Variants in SDCCAG8 observed in about 807,000 individuals in gnomAD.
The protein encoded by SDCCAG8 is serologically defined colon cancer antigen 8.
Under a neutral mutation model 101.8 loss-of-function variants are expected in SDCCAG8, and 74 were observed. The observed-to-expected ratio is 0.73, with a 90% confidence interval of 0.60 to 0.88. The LOEUF is 0.88. Among genes scored for constraint, SDCCAG8 ranks in the 40% least tolerant of loss-of-function variants. The probability of loss-of-function intolerance (pLI) is 0.00; values close to 1 mark genes in which losing one functional copy is unlikely to be tolerated. For missense variants in SDCCAG8, 787 were observed against 822.6 expected (o/e 0.96, Z 0.53); for synonymous variants, 281 against 292.9 (o/e 0.96, Z 0.41).
At chr1:243,275,336 C>T (rs1055536390) in intron 4 of SDCCAG8, among the ~76,000 whole-genome samples, 5 of 149,454 alleles carry the variant, frequency 3.3e-5, no homozygotes, top group South Asian at 2.1e-4. Flanking sequence ...TCAGTGTATT[C>T]GATTGTATGA....
At chr1:243,399,546 G>A (rs894199487) in intron 13 of SDCCAG8, among the ~76,000 whole-genome samples, 4 of 151,406 alleles carry the variant, frequency 2.6e-5, no homozygotes, top group Non-Finnish European at 5.9e-5. Context: ...TCACTCTGTC[G>A]CCCAGGCTAG....
At chr1:243,261,574 G>T (rs1276301877) in intron 1 of SDCCAG8, among the ~76,000 whole-genome samples, 2 of 152,210 alleles carry the variant, frequency 1.3e-5, no homozygotes, top group African/African-American at 4.8e-5. Flanking sequence ...GAAGGGCTGT[G>T]TTAGTCTTAC....
intron 13 of SDCCAG8, among the ~76,000 whole-genome samples, chr1:243,393,824 A>G (rs1336706441): frequency 6.6e-6 from 1 of 152,238 alleles, no homozygotes; most frequent in Non-Finnish European, 1.5e-5. Flanking sequence ...AAAAGCAACC[A>G]TGTGATACAG....
intron 16 of SDCCAG8, among the ~76,000 whole-genome samples, chr1:243,454,977 T>TA (rs1396560483): frequency 1.3e-5 from 2 of 152,214 alleles, no homozygotes; most frequent in African/African-American, 4.8e-5. Context: ...CACCATGACG[T>TA]AATTTTCTAA....
Position 243,442,048 on chromosome 1 carries a change from C to T in SDCCAG8, c.1985+15490C>T, listed in dbSNP as rs182554763. Among the ~76,000 whole-genome samples, 55 of 152,100 alleles carry T rather than the reference C, an allele frequency of 3.6e-4. No individual in the cohort carries two copies. In the East Asian group the frequency reaches 4.8e-3, roughly 13 times the overall value. On this transcript the variant is annotated intron_variant, in intron 16 of 17. Coordinates refer to ENST00000366541, the MANE Select transcript of SDCCAG8 (RefSeq NM_006642.5). ...GATGGAAACTATTATAATAAAACTT[C>T]GTATTTTTACAAAATACCTCAAATT...
At chr1:243,259,237 T>TAA (rs559992892) in intron 1 of SDCCAG8, among the ~76,000 whole-genome samples, 2 of 141,576 alleles carry the variant, frequency 1.4e-5, no homozygotes, top group African/African-American at 5.2e-5. Context: ...CCGTCTGTAC[T>TAA]AAAAAAAAAA....
chr1:243,482,609 C>T (rs1663967519), intron 16 of SDCCAG8, among the ~76,000 whole-genome samples: 2 of 152,156 alleles, frequency 1.3e-5, no homozygotes, highest in African/African-American at 4.8e-5. Context: ...GAGATTAGGA[C>T]GGCCGCACCA....
chr1:243,463,902 A>T (rs1659626503), intron 16 of SDCCAG8, among the ~76,000 whole-genome samples: 1 of 152,010 alleles, frequency 6.6e-6, no homozygotes, highest in Non-Finnish European at 1.5e-5. Context: ...TACCCATCCA[A>T]GGGATGGATG....
At position 243,259,677 on chromosome 1, in the gene SDCCAG8, G is replaced by A. The variant is rs573501791; in HGVS notation, c.67+3437G>A. 7.2e-5 allele frequency among the ~76,000 whole-genome samples: 11 copies of A among 152,138 alleles called. No individual in the cohort carries two copies. In the East Asian group the frequency reaches 1.8e-3, roughly 24 times the overall value. ...TCTACTAAAAATACAAAATGAGCCA[G>A]GCGTGGTGGCAGGCGCGTGTAACCC... On this transcript the variant is annotated intron_variant, in intron 1 of 17. Transcript: ENST00000366541.
chr1:243,316,915 TAA>T (rs759174810), intron 9 of SDCCAG8, 22 bp downstream of exon 9: 1 of 1,610,796 alleles, frequency 6.2e-7, no homozygotes, highest in Non-Finnish European at 8.5e-7. Context: ...AAGATGCAAA[TAA>T]AAGTGTCTTT....
At chr1:243,358,996 T>A (rs1182975568) in intron 12 of SDCCAG8, among the ~76,000 whole-genome samples, 1 of 152,212 alleles carries the variant, frequency 6.6e-6, no homozygotes, top group East Asian at 1.9e-4. Flanking sequence ...ATGGAGTTTC[T>A]TTTGGGGTGA....
chr1:243,281,861 G>T (rs1484119916), intron 4 of SDCCAG8, among the ~76,000 whole-genome samples: 1 of 151,978 alleles, frequency 6.6e-6, no homozygotes, highest in Non-Finnish European at 1.5e-5. Context: ...GCCCAGGCTG[G>T]TGGCGAACTC....
In SDCCAG8 at chr1:243,415,578, A is replaced by C; in HGVS notation, c.1617-124A>C. On this transcript the variant is annotated intron_variant, in intron 13 of 17. Coordinates refer to ENST00000366541, the MANE Select transcript of SDCCAG8 (RefSeq NM_006642.5). ...CTAAAGTGGGGGAGGGTCATTAGAAAGGTCCTTGTCTTCTTATGCTTAACA... is the reference window on the plus strand; with the variant it reads ...CTAAAGTGGGGGAGGGTCATTAGAACGGTCCTTGTCTTCTTATGCTTAACA... 5 of 1,345,086 alleles carry C rather than the reference A, an allele frequency of 3.7e-6. No individual in the cohort carries two copies. In the Middle Eastern group the frequency reaches 9.3e-4, roughly 252 times the overall value. The allele number at this position is 1,345,086 out of a possible 1,614,324, so 83.3% of individuals were successfully genotyped here.
intron 12 of SDCCAG8, among the ~76,000 whole-genome samples, chr1:243,354,777 A>T (rs1040103702): frequency 6.6e-6 from 1 of 152,262 alleles, no homozygotes; most frequent in African/African-American, 2.4e-5. Flanking sequence ...AGTTCTGGAC[A>T]CAGATGACCT....
chr1:243,442,217 G>T (rs1316933461), intron 16 of SDCCAG8, among the ~76,000 whole-genome samples: 1 of 152,132 alleles, frequency 6.6e-6, no homozygotes, highest in Non-Finnish European at 1.5e-5. Flanking sequence ...TTGTGAAAAG[G>T]ATTTTAGTAG....
intron 11 of SDCCAG8, among the ~76,000 whole-genome samples, chr1:243,341,868 A>G (rs1018551045): frequency 6.6e-6 from 1 of 152,218 alleles, no homozygotes; most frequent in Non-Finnish European, 1.5e-5. Flanking sequence ...GAAACTAATA[A>G]AATCAATTTA....
chr1:243,323,340 A>C (rs975605659), intron 9 of SDCCAG8, among the ~76,000 whole-genome samples: 5 of 152,106 alleles, frequency 3.3e-5, no homozygotes, highest in Non-Finnish European at 5.9e-5. Flanking sequence ...TACTAAGATT[A>C]GGACCAACTG....
intron 16 of SDCCAG8, among the ~76,000 whole-genome samples, chr1:243,445,261 T>C (rs1358071151): frequency 6.6e-6 from 1 of 152,180 alleles, no homozygotes; most frequent in East Asian, 1.9e-4. Context: ...CCTCTTGTCG[T>C]CTACTCCCAC....
chr1:243,296,116 C>T (rs1325289494), intron 6 of SDCCAG8, among the ~76,000 whole-genome samples: 1 of 152,092 alleles, frequency 6.6e-6, no homozygotes, highest in Non-Finnish European at 1.5e-5. Context: ...CTGCCTCAGC[C>T]ACCCAAGTAG....
Sources: allele counts gnomAD v4.1 joint callset (sites outside exome capture counted in the v4.1 genomes callset), GRCh38; gene constraint gnomAD v4.1.1; transcripts MANE v1.5; gene names NCBI Gene and HGNC (gene_info 2026-07-23, HGNC 2026-07-21).